IMMP2L: variants seen among roughly 807,000 people sequenced by gnomAD.
The protein encoded by IMMP2L is inner mitochondrial membrane peptidase subunit 2.
IMMP2L carries 18 observed loss-of-function variants against 19.3 expected under a neutral mutation model. The ratio of observed to expected loss-of-function variants is 0.93; its 90% CI spans 0.64 to 1.38. IMMP2L has a LOEUF of 1.38. Among genes scored for constraint, IMMP2L ranks in the 40% most tolerant of loss-of-function variants. The probability of loss-of-function intolerance (pLI) is 0.00; values close to 1 mark genes in which losing one functional copy is unlikely to be tolerated. For missense variants in IMMP2L, 233 were observed against 218.2 expected (o/e 1.07, Z -0.43); for synonymous variants, 76 against 73.0 (o/e 1.04, Z -0.21).
At chr7:110,763,931 C>G (rs1242525885) in intron 5 of IMMP2L, among the ~76,000 whole-genome samples, 1 of 152,164 alleles carries the variant, frequency 6.6e-6, no homozygotes, top group Admixed American at 6.6e-5. Flanking sequence ...GTTAGTAATC[C>G]TTTCTTTATA....
Position 110,663,425 on chromosome 7 carries a change from A to G in IMMP2L, c.*177T>C. The G allele has an allele frequency of 3.7e-6, 2 of 536,220 alleles. No individual in the cohort carries two copies. The highest frequency in any genetic ancestry group is 6.9e-5 in the East Asian group (2 of 29,154). The allele number at this position is 536,220 out of a possible 1,614,324, so 33.2% of individuals were successfully genotyped here. A position where few individuals can be genotyped will look rare whatever the true frequency, so the allele number is the denominator to read the frequency against. On this transcript the variant is annotated 3_prime_UTR_variant, in exon 6 of 6. Coordinates refer to ENST00000405709, the MANE Select transcript of IMMP2L (RefSeq NM_032549.4). ...TTAACACAAAATCAGGTGCCATTTA[A>G]TACTGTTTAACATTTGAAAATTATT...
chr7:111,176,744 T>C (rs1016504839), intron 3 of IMMP2L, among the ~76,000 whole-genome samples: 1 of 151,960 alleles, frequency 6.6e-6, no homozygotes, highest in African/African-American at 2.4e-5. Flanking sequence ...CAATAATTAA[T>C]TGTACATTTC....
intron 3 of IMMP2L, among the ~76,000 whole-genome samples, chr7:111,361,566 T>C (rs1829263094): frequency 6.6e-6 from 1 of 152,140 alleles, no homozygotes; most frequent in Non-Finnish European, 1.5e-5. Flanking sequence ...TATATCTGTC[T>C]TGTTCTATCG....
At chr7:111,098,373 T>C (rs1797620550) in intron 3 of IMMP2L, among the ~76,000 whole-genome samples, 1 of 151,978 alleles carries the variant, frequency 6.6e-6, no homozygotes, top group Non-Finnish European at 1.5e-5. Flanking sequence ...CAATTACTTT[T>C]TAATGAGGAA....
intron 3 of IMMP2L, among the ~76,000 whole-genome samples, chr7:110,989,679 A>C (rs1331860567): frequency 6.6e-6 from 1 of 150,804 alleles, no homozygotes; most frequent in Non-Finnish European, 1.5e-5. Context: ...AAAAATATTA[A>C]TATATAACTA....
chr7:111,163,865 G>T (rs759490322), intron 3 of IMMP2L, among the ~76,000 whole-genome samples: 1 of 151,950 alleles, frequency 6.6e-6, no homozygotes, highest in Non-Finnish European at 1.5e-5. Flanking sequence ...TCTCAGGGGA[G>T]ACTAGGCTGT....
intron 3 of IMMP2L, among the ~76,000 whole-genome samples, chr7:111,379,124 C>CA (rs1261885382): frequency 1.4e-5 from 2 of 145,580 alleles, no homozygotes; most frequent in African/African-American, 5.1e-5. Context: ...CTGAAGAACA[C>CA]AATACGTGAC....
chr7:110,786,011 T>C (rs1800051030), intron 5 of IMMP2L, among the ~76,000 whole-genome samples: 1 of 151,952 alleles, frequency 6.6e-6, no homozygotes, highest in Non-Finnish European at 1.5e-5. Context: ...ATAACAGACA[T>C]ACTGTAAGTC....
In IMMP2L at chr7:111,270,138, A is replaced by C. The variant is rs17158448; in HGVS notation, c.239+217100T>G. Among the ~76,000 whole-genome samples the C allele has an allele frequency of 2.5e-4, 38 of 150,896 alleles. No individual in the cohort carries two copies. The East Asian group carries it at 7.4e-3, about 29-fold the overall frequency. On this transcript the variant is annotated intron_variant, in intron 3 of 5. Coordinates refer to ENST00000405709, the MANE Select transcript of IMMP2L (RefSeq NM_032549.4). ...TGAAAATCACCGATTTTCTTTTCCT[A>C]GTGCCTACAATGTAGCTGCCCTAAT...
At chr7:111,124,807 C>T in intron 3 of IMMP2L, 1 of 1,612,658 alleles carries the variant, frequency 6.2e-7, no homozygotes, top group Non-Finnish European at 8.5e-7. Context: ...GCTTTATCCT[C>T]CTCTGATAAA....
At chr7:110,774,759 G>A (rs958498985) in intron 5 of IMMP2L, among the ~76,000 whole-genome samples, 5 of 152,028 alleles carry the variant, frequency 3.3e-5, no homozygotes, top group African/African-American at 1.2e-4. Flanking sequence ...TAGGTGTATA[G>A]TAGGTATACC....
chr7:111,239,710 A>G (rs1586980705), intron 3 of IMMP2L, among the ~76,000 whole-genome samples: 1 of 151,862 alleles, frequency 6.6e-6, no homozygotes, highest in Non-Finnish European at 1.5e-5. Context: ...TTTACTGCCA[A>G]CTCTGATCAA....
chr7:110,942,506 A>AT (rs766451937), intron 4 of IMMP2L, among the ~76,000 whole-genome samples: 16 of 151,988 alleles, frequency 1.1e-4, no homozygotes, highest in East Asian at 7.7e-4. Context: ...CAGCAGAATG[A>AT]TTTTTTCTCC....
intron 3 of IMMP2L, among the ~76,000 whole-genome samples, chr7:111,233,221 TAATA>T (rs1813909444): frequency 6.6e-6 from 1 of 152,144 alleles, no homozygotes; most frequent in Non-Finnish European, 1.5e-5. Context: ...ACAGCATGAT[TAATA>T]AATACAATCT....
chr7:110,681,865 T>C (rs1792744048), intron 5 of IMMP2L, among the ~76,000 whole-genome samples: 1 of 151,862 alleles, frequency 6.6e-6, no homozygotes, highest in South Asian at 2.1e-4. Context: ...AGAGACAGGT[T>C]CTCATTGGGG....
At chr7:110,683,660 A>G (rs1792897920) in intron 5 of IMMP2L, among the ~76,000 whole-genome samples, 1 of 152,138 alleles carries the variant, frequency 6.6e-6, no homozygotes, top group Non-Finnish European at 1.5e-5. Flanking sequence ...CATAGTTTGA[A>G]TGACTAAAAA....
At chr7:111,387,920 GAGCCAACATCACACCA>G (rs1831933937) in intron 3 of IMMP2L, among the ~76,000 whole-genome samples, 1 of 139,482 alleles carries the variant, frequency 7.2e-6, no homozygotes, top group African/African-American at 2.7e-5. Context: ...AGGTTGCAGT[GAGCCAACATCACACCA>G]CTGCACTCCA....
chr7:111,109,200 C>A (rs1045803890), intron 3 of IMMP2L, among the ~76,000 whole-genome samples: 2 of 151,556 alleles, frequency 1.3e-5, no homozygotes, highest in Non-Finnish European at 2.9e-5. Context: ...ATTTTCAGTA[C>A]AATTTAACAT....
intron 2 of IMMP2L, among the ~76,000 whole-genome samples, chr7:111,516,518 A>T (rs1845882001): frequency 1.3e-5 from 2 of 152,168 alleles, no homozygotes; most frequent in Non-Finnish European, 2.9e-5. Flanking sequence ...ATTTACAACA[A>T]GTTTTTAAAA....
Sources: allele counts gnomAD v4.1 joint callset (sites outside exome capture counted in the v4.1 genomes callset), GRCh38; gene constraint gnomAD v4.1.1; transcripts MANE v1.5; gene names NCBI Gene and HGNC (gene_info 2026-07-23, HGNC 2026-07-21).